Variants in PHIP observed in about 807,000 individuals in gnomAD.
The protein encoded by PHIP is PH-interacting protein.
Under a neutral mutation model 236.8 loss-of-function variants are expected in PHIP, and 54 were observed. The observed-to-expected ratio is 0.23, with a 90% CI of 0.18 to 0.29. PHIP has a LOEUF of 0.29. Among genes scored for constraint, PHIP ranks in the 10% least tolerant of loss-of-function variants. The pLI is 1.00. For missense variants in PHIP, 1,370 were observed against 2,190.8 expected (o/e 0.63, Z 7.48); for synonymous variants, 756 against 718.9 (o/e 1.05, Z -0.83).
intron 6 of PHIP, among the ~76,000 whole-genome samples, chr6:79,056,557 A>C (rs1432414120): frequency 6.6e-6 from 1 of 152,144 alleles, no homozygotes; most frequent in South Asian, 2.1e-4. Context: ...ATATTTGGCA[A>C]TGTCTGGAGA....
In PHIP at chr6:79,037,915, T is replaced by C. The variant is rs188191227; in HGVS notation, c.600+4928A>G. ...GGCAAAGACAAAGCTCACAACTTAA[T>C]AGGAAAACAGACATCTGTCATGGCA... On this transcript the variant is annotated intron_variant, in intron 7 of 39. Coordinates refer to ENST00000275034, the MANE Select transcript of PHIP (RefSeq NM_017934.7). Among the ~76,000 whole-genome samples, 6 of 152,290 alleles carry C rather than the reference T, an allele frequency of 3.9e-5. No homozygotes were observed. In the East Asian group the frequency reaches 9.6e-4, roughly 24 times the overall value.
intron 36 of PHIP, 58 bp from the exon 37 acceptor site, chr6:78,946,932 G>A: frequency 1.1e-6 from 1 of 931,748 alleles, no homozygotes; most frequent in Non-Finnish European, 1.6e-6. Flanking sequence ...CCTTTGTTCA[G>A]TAAATACTGT....
rs557241083 is a variant in PHIP at position 78,942,209 on chromosome 6, G to A, written c.4829-879C>T. Among the ~76,000 whole-genome samples the A allele has an allele frequency of 2.6e-5, 4 of 152,320 alleles. No homozygotes were observed. In the East Asian group the frequency reaches 5.8e-4, roughly 22 times the overall value. On this transcript the variant is annotated intron_variant, in intron 39 of 39. Transcript: ENST00000275034. ...ATAAGAAAATCATGGTTGGTCGGGTGCAGTGGCTCACGATTATAATCCCAG... is the reference window on the plus strand; with the variant it reads ...ATAAGAAAATCATGGTTGGTCGGGTACAGTGGCTCACGATTATAATCCCAG...
intron 32 of PHIP, chr6:78,958,124 G>C (rs1766546381): frequency 6.1e-6 from 1 of 164,720 alleles, no homozygotes. Context: ...ATTTGGGTTA[G>C]AAGAGTTAAT....
chr6:79,047,337 T>G (rs1019830200), intron 6 of PHIP, among the ~76,000 whole-genome samples: 1 of 152,196 alleles, frequency 6.6e-6, no homozygotes, highest in African/African-American at 2.4e-5. Context: ...ATAAGTCACT[T>G]CTTACTTCAC....
intron 7 of PHIP, among the ~76,000 whole-genome samples, chr6:79,034,160 G>C (rs142633750): frequency 6.6e-6 from 1 of 152,126 alleles, no homozygotes; most frequent in Non-Finnish European, 1.5e-5. Flanking sequence ...TATGTTGTTA[G>C]AAAAATGATG....
chr6:79,059,536 C>T (rs537363301), intron 6 of PHIP, among the ~76,000 whole-genome samples: 4 of 143,750 alleles, frequency 2.8e-5, no homozygotes, highest in African/African-American at 1.0e-4. Context: ...TTAAAAGCCA[C>T]TTTTATATTT....
intron 39 of PHIP, among the ~76,000 whole-genome samples, 178 bp from the exon 40 acceptor site, chr6:78,941,508 C>A (rs1214009897): frequency 6.6e-6 from 1 of 151,896 alleles, no homozygotes; most frequent in East Asian, 1.9e-4. Flanking sequence ...TATTTATTTT[C>A]TAATTAAAAG....
intron 9 of PHIP, among the ~76,000 whole-genome samples, chr6:79,020,278 A>G (rs1194262005): frequency 1.3e-5 from 2 of 152,164 alleles, no homozygotes; most frequent in Non-Finnish European, 2.9e-5. Flanking sequence ...CTGATACAGA[A>G]TGCAACAAAA....
intron 2 of PHIP, 23 bp downstream of exon 2, chr6:79,077,832 G>C: frequency 7.0e-7 from 1 of 1,419,648 alleles, no homozygotes; most frequent in Non-Finnish European, 9.3e-7. Flanking sequence ...CGCCGGCCCG[G>C]CCCGCGCCGC....
chr6:79,070,113 T>C (rs569012288), intron 4 of PHIP, among the ~76,000 whole-genome samples: 59 of 152,244 alleles, frequency 3.9e-4, no homozygotes, highest in African/African-American at 1.4e-3. Context: ...GGATGCTCCA[T>C]AAAAAATAAT....
In PHIP at chr6:78,985,286, T is replaced by TA. The variant is rs370502782; in HGVS notation, c.2537+65dup. The TA allele has an allele frequency of 0.16, 101,819 of 647,174 alleles. 1,753 individuals are homozygous for TA. The highest frequency in any genetic ancestry group is 0.21 in the Middle Eastern group (721 of 3,502). The allele number at this position is 647,174 out of a possible 1,614,324, so 40.1% of individuals were successfully genotyped here. A position where few individuals can be genotyped will look rare whatever the true frequency, so the allele number is the denominator to read the frequency against. The stretch of plus-strand genomic sequence containing the variant: ...AGAGACTTTGAAACGTGTTGCTGGT[T>TA]AAAAAAAAAAACACCTTTCTAAAGA... On this transcript the variant is annotated intron_variant, in intron 22 of 39. Transcript: ENST00000275034.
At chr6:79,009,946 G>A (rs1167824053) in intron 15 of PHIP, among the ~76,000 whole-genome samples, 6 of 151,954 alleles carry the variant, frequency 3.9e-5, no homozygotes, top group South Asian at 2.1e-4. Context: ...TAAGAAGACC[G>A]AAAGTACTTC....
At position 78,955,322 on chromosome 6, in the gene PHIP, G is replaced by T. The variant is rs550746580; in HGVS notation, c.3853-40C>A. 9 of 1,400,780 alleles carry T rather than the reference G, an allele frequency of 6.4e-6. No homozygotes were observed. The Admixed American group carries it at 1.4e-4, about 21-fold the overall frequency. The allele number at this position is 1,400,780 out of a possible 1,614,324, so 86.8% of individuals were successfully genotyped here. On this transcript the variant is annotated intron_variant, in intron 33 of 39. Coordinates refer to ENST00000275034, the MANE Select transcript of PHIP (RefSeq NM_017934.7). ...TTTACCAGATTCATAAAACATTTTA[G>T]ATGTCATTATACTTTATAGTTGATT...
At chr6:78,980,039 C>T (rs745883857) in intron 23 of PHIP, among the ~76,000 whole-genome samples, 4 of 151,894 alleles carry the variant, frequency 2.6e-5, no homozygotes, top group Admixed American at 1.3e-4. Flanking sequence ...GTGAGATGGG[C>T]TCGTTACAGA....
chr6:78,954,188 A>T (rs1197267590), intron 35 of PHIP, among the ~76,000 whole-genome samples: 1 of 149,938 alleles, frequency 6.7e-6, no homozygotes, highest in African/African-American at 2.5e-5. Context: ...TGCAAGCTCC[A>T]CCTCCCGGGT....
intron 19 of PHIP, among the ~76,000 whole-genome samples, chr6:78,996,833 C>A (rs1223041159): frequency 1.3e-5 from 2 of 152,058 alleles, no homozygotes; most frequent in Admixed American, 6.6e-5. Context: ...TACTTAAGTT[C>A]ATATAGGCCT....
At chr6:78,945,913 C>T (rs1025178947) in intron 38 of PHIP, 88 bp downstream of exon 38, 1 of 927,210 alleles carries the variant, frequency 1.1e-6, no homozygotes. Flanking sequence ...CTAGGAATTA[C>T]TAAAACTCAG....
At chr6:79,023,639 TA>T (rs1160450143) in intron 9 of PHIP, among the ~76,000 whole-genome samples, 2 of 151,936 alleles carry the variant, frequency 1.3e-5, no homozygotes, top group African/African-American at 4.8e-5. Flanking sequence ...TATATATTCC[TA>T]ATTATATCTA....
Sources: gnomAD v4.1 joint callset for allele counts (sites outside exome capture counted in the v4.1 genomes callset) on GRCh38, gnomAD v4.1.1 for gene constraint, MANE v1.5 for transcripts, NCBI Gene and HGNC (gene_info 2026-07-23, HGNC 2026-07-21) for gene names.